The following PPP2R2D variants were observed in gnomAD, a reference collection of about 807,000 sequenced individuals.
PPP2R2D encodes the protein protein phosphatase 2 regulatory subunit Bdelta.
PPP2R2D carries 9 observed loss-of-function variants against 31.1 expected under a neutral mutation model. That is an observed-to-expected ratio of 0.29 (90% CI 0.17 to 0.51). The LOEUF is 0.51. Ranked by LOEUF, PPP2R2D falls within the 20% of genes least tolerant of loss-of-function variation. The pLI is 0.98. For synonymous variants in PPP2R2D, 179 were observed against 172.6 expected, an observed-to-expected ratio of 1.04 and a Z score of -0.29; for missense variants, 391 against 465.6, an observed-to-expected ratio of 0.84 and a Z score of 1.48.
At chr10:131,951,185 G>A (rs2036629235) in intron 8 of PPP2R2D, among the ~76,000 whole-genome samples, 1 of 152,264 alleles carries the variant, frequency 6.6e-6, no homozygotes, top group East Asian at 1.9e-4. Context: ...TTGGGGGAGA[G>A]GGTGGAGACC....
intron 3 of PPP2R2D, among the ~76,000 whole-genome samples, chr10:131,936,812 C>A (rs2036349472): frequency 6.6e-6 from 1 of 152,238 alleles, no homozygotes; most frequent in African/African-American, 2.4e-5. Context: ...TGACAAACCC[C>A]AGGCAGCCTT....
intron 2 of PPP2R2D, among the ~76,000 whole-genome samples, chr10:131,903,582 A>G (rs2035536154): frequency 1.3e-5 from 2 of 152,220 alleles, no homozygotes; most frequent in East Asian, 1.9e-4. Flanking sequence ...AGTAAATCCA[A>G]AAGTTTGGTA....
downstream of PPP2R2D, among the ~76,000 whole-genome samples, chr10:131,963,157 T>C (rs1350515283): frequency 1.3e-5 from 2 of 152,106 alleles, no homozygotes; most frequent in Admixed American, 1.3e-4. Context: ...AGAGTGAGAC[T>C]CCATCTCAAA....
At chr10:131,963,106 A>C (rs1467742916), downstream of PPP2R2D, among the ~76,000 whole-genome samples, 3 of 152,180 alleles carry the variant, frequency 2.0e-5, no homozygotes, top group East Asian at 1.9e-4. Context: ...CGGAGGTTGC[A>C]GTGAGCCGAG....
At chr10:131,905,111 A>G (rs2119704823) in intron 2 of PPP2R2D, among the ~76,000 whole-genome samples, 1 of 152,140 alleles carries the variant, frequency 6.6e-6, no homozygotes, top group African/African-American at 2.4e-5. Flanking sequence ...CTCACAAGGA[A>G]GTTATTAAGT....
At chr10:131,933,251 C>T (rs969540180) in intron 2 of PPP2R2D, among the ~76,000 whole-genome samples, 4 of 146,900 alleles carry the variant, frequency 2.7e-5, no homozygotes, top group Non-Finnish European at 4.5e-5. Flanking sequence ...TTCACTAACA[C>T]GATTAAAACG....
At chr10:131,948,672 G>A (rs2036585181) in intron 8 of PPP2R2D, among the ~76,000 whole-genome samples, 1 of 152,232 alleles carries the variant, frequency 6.6e-6, no homozygotes, top group South Asian at 2.1e-4. Flanking sequence ...CTGGCCTCAG[G>A]AGCATCAGCC....
chr10:131,971,330 A>T, the PPP2R2D span: 1 of 267,298 alleles, frequency 3.7e-6, no homozygotes, highest in African/African-American at 2.2e-5. Flanking sequence ...AGCACTGGTT[A>T]TAAGAAAAGA....
At chr10:131,966,258 TAGTGGCCA>T in the PPP2R2D span, among the ~76,000 whole-genome samples, 17 of 152,324 alleles carry the variant, frequency 1.1e-4, no homozygotes, top group African/African-American at 3.4e-4. Context: ...ATCAGGTAAA[TAGTGGCCA>T]AGTGGCCAAT....
chr10:131,919,366 T>C (rs1189304952), intron 2 of PPP2R2D, among the ~76,000 whole-genome samples: 4 of 77,846 alleles, frequency 5.1e-5, no homozygotes, highest in Middle Eastern at 0.012. Context: ...GGACCTCACG[T>C]GGGTGGAATG....
chr10:131,928,260 G>A (rs1019727476), intron 2 of PPP2R2D, among the ~76,000 whole-genome samples: 3 of 152,134 alleles, frequency 2.0e-5, no homozygotes, highest in Admixed American at 1.3e-4. Context: ...GGGCTGCTAG[G>A]CCACCTCAGT....
chr10:131,902,526 A>G (rs1346571113), intron 2 of PPP2R2D, among the ~76,000 whole-genome samples: 1 of 152,194 alleles, frequency 6.6e-6, no homozygotes, highest in African/African-American at 2.4e-5. Context: ...AGAAATGCGT[A>G]ATATATATGG....
At chr10:131,932,646 C>CAAA (rs368610703) in intron 2 of PPP2R2D, among the ~76,000 whole-genome samples, 1,005 of 57,362 alleles carry the variant, frequency 0.018, 36 homozygotes, top group African/African-American at 0.046. Flanking sequence ...CAGCCTGTCT[C>CAAA]AAAAAAAAAA....
chr10:131,961,634 CT>C (rs2036921075), downstream of PPP2R2D, among the ~76,000 whole-genome samples: 1 of 152,178 alleles, frequency 6.6e-6, no homozygotes, highest in Non-Finnish European at 1.5e-5. Context: ...GCTCCTTGAT[CT>C]TTTAGGAACT....
chr10:131,902,867 C>T (rs2035522835), intron 2 of PPP2R2D, among the ~76,000 whole-genome samples: 1 of 152,092 alleles, frequency 6.6e-6, no homozygotes, highest in Admixed American at 6.5e-5. Flanking sequence ...ATTCGCCCAC[C>T]TCAGTCTCTG....
At chr10:131,939,501 C>A in intron 3 of PPP2R2D, among the ~76,000 whole-genome samples, 1 of 107,962 alleles carries the variant, frequency 9.3e-6, no homozygotes, top group Admixed American at 9.1e-5. Context: ...ATTCGGCAGA[C>A]CTGCTCCAGA....
intron 2 of PPP2R2D, among the ~76,000 whole-genome samples, chr10:131,914,581 A>G (rs2119759417): frequency 6.6e-6 from 1 of 152,336 alleles, no homozygotes; most frequent in African/African-American, 2.4e-5. Context: ...CGTTGAAAAC[A>G]CTAAATGCCT....
chr10:131,935,900 C>T (rs547596509), intron 3 of PPP2R2D, among the ~76,000 whole-genome samples: 14 of 151,978 alleles, frequency 9.2e-5, no homozygotes, highest in Admixed American at 9.2e-4. Flanking sequence ...CCTGTCTCTA[C>T]GAAAAATACA....
At chr10:131,925,243 A>G (rs1201349062) in intron 2 of PPP2R2D, among the ~76,000 whole-genome samples, 1 of 152,194 alleles carries the variant, frequency 6.6e-6, no homozygotes, top group African/African-American at 2.4e-5. Context: ...TTAGGGGAAA[A>G]GCCTTCAGAC....
Sources: allele counts gnomAD v4.1 joint callset (sites outside exome capture counted in the v4.1 genomes callset), GRCh38; gene constraint gnomAD v4.1.1; transcripts MANE v1.5; gene names NCBI Gene and HGNC (gene_info 2026-07-23, HGNC 2026-07-21).